CSMD1: variants seen among roughly 807,000 people sequenced by gnomAD.
The protein encoded by CSMD1 is CUB and sushi domain-containing protein 1.
Under a neutral mutation model 417.5 loss-of-function variants are expected in CSMD1, and 213 were observed. The ratio of observed to expected loss-of-function variants is 0.51; its 90% confidence interval spans 0.46 to 0.57. CSMD1 has a LOEUF of 0.57. Among genes scored for constraint, CSMD1 ranks in the 20% least tolerant of loss-of-function variants. CSMD1 has a pLI of 0.00. For missense variants in CSMD1, 6,923 were observed against 4,529.7 expected (o/e 1.53, Z -15.17); for synonymous variants, 2,862 against 1,736.8 (o/e 1.65, Z -16.11).
rs1802674928 is a variant in CSMD1 at position 3,836,011 on chromosome 8, G to A, written c.819-81969C>T. ...TCTATAAGATTCTATCATTTCTACTGTCCTCATTTTCTGTTTCATTAGCTT... is the reference window on the plus strand; with the variant it reads ...TCTATAAGATTCTATCATTTCTACTATCCTCATTTTCTGTTTCATTAGCTT... On this transcript the variant is annotated intron_variant, in intron 5 of 69. Transcript: ENST00000635120. Among the ~76,000 whole-genome samples the A allele has an allele frequency of 2.0e-5, 3 of 152,058 alleles. No homozygotes were observed. In the South Asian group the frequency reaches 6.2e-4, roughly 32 times the overall value.
chr8:4,338,787 A>G (rs989845478), intron 3 of CSMD1, among the ~76,000 whole-genome samples: 1 of 152,070 alleles, frequency 6.6e-6, no homozygotes, highest in African/African-American at 2.4e-5. Context: ...AATCATATTG[A>G]TATTAGTTTA....
intron 51 of CSMD1, among the ~76,000 whole-genome samples, chr8:3,024,330 G>C (rs930653085): frequency 6.6e-6 from 1 of 151,482 alleles, no homozygotes; most frequent in African/African-American, 2.4e-5. Context: ...GTTGGGGACA[G>C]AGTATTGCTC....
chr8:4,519,009 A>C (rs1803280203), intron 2 of CSMD1, among the ~76,000 whole-genome samples: 1 of 152,052 alleles, frequency 6.6e-6, no homozygotes, highest in Non-Finnish European at 1.5e-5. Flanking sequence ...CTACAGTATA[A>C]TTTCTTTTTA....
intron 3 of CSMD1, among the ~76,000 whole-genome samples, chr8:4,383,398 T>C (rs148422348): frequency 6.6e-6 from 1 of 152,202 alleles, no homozygotes; most frequent in Admixed American, 6.6e-5. Context: ...CTACATTTAC[T>C]ACATGCCTTG....
chr8:3,915,082 C>A (rs1027748874), intron 5 of CSMD1, among the ~76,000 whole-genome samples: 1 of 152,036 alleles, frequency 6.6e-6, no homozygotes, highest in Non-Finnish European at 1.5e-5. Context: ...AATTAGGGAT[C>A]GGAAAAGCCC....
chr8:3,583,380 T>C (rs1246504448), intron 9 of CSMD1, among the ~76,000 whole-genome samples: 4 of 151,932 alleles, frequency 2.6e-5, no homozygotes, highest in Non-Finnish European at 4.4e-5. Flanking sequence ...GTGCCTCGAA[T>C]AGACTGCTAG....
intron 1 of CSMD1, among the ~76,000 whole-genome samples, chr8:4,911,286 G>A (rs2117090524): frequency 6.6e-6 from 1 of 152,252 alleles, no homozygotes; most frequent in African/African-American, 2.4e-5. Context: ...TATACATACT[G>A]GATAAAGTGT....
intron 3 of CSMD1, among the ~76,000 whole-genome samples, chr8:4,149,027 A>G (rs1221219543): frequency 6.6e-6 from 1 of 151,396 alleles, no homozygotes; most frequent in East Asian, 1.9e-4. Context: ...GCAGTGGCAC[A>G]ATCTTTGCTC....
intron 1 of CSMD1, among the ~76,000 whole-genome samples, chr8:4,959,039 A>C (rs1294391402): frequency 6.6e-6 from 1 of 152,210 alleles, no homozygotes; most frequent in African/African-American, 2.4e-5. Context: ...AAGCCATGCT[A>C]TATAGTATAT....
rs189810140 is a variant in CSMD1, at chr8:3,621,154, T to G, written c.1010-4357A>C. On this transcript the variant is annotated intron_variant, in intron 7 of 69. Coordinates refer to ENST00000635120, the MANE Select transcript of CSMD1 (RefSeq NM_033225.6). The stretch of plus-strand genomic sequence containing the variant: ...CCTGCCCAAACCTTGATCTCAGGCT[T>G]CTACCCTCTAGAATTGTGGTAAAGT... Among the ~76,000 whole-genome samples the G allele has an allele frequency of 5.3e-5, 8 of 152,296 alleles. No individual in the cohort carries two copies. In the East Asian group the frequency reaches 1.5e-3, roughly 29 times the overall value.
intron 38 of CSMD1, among the ~76,000 whole-genome samples, chr8:3,161,938 T>C (rs1819923546): frequency 6.6e-6 from 1 of 152,208 alleles, no homozygotes; most frequent in African/African-American, 2.4e-5. Context: ...AATAAAACAA[T>C]TGTGAAAAAT....
chr8:3,089,576 G>GTCT (rs1814789331), intron 48 of CSMD1, among the ~76,000 whole-genome samples: 2 of 152,160 alleles, frequency 1.3e-5, no homozygotes, highest in Non-Finnish European at 2.9e-5. Flanking sequence ...ATGGGCTAGA[G>GTCT]TTCCCTTGGC....
At chr8:3,964,666 A>G (rs148733681) in intron 5 of CSMD1, among the ~76,000 whole-genome samples, 8 of 152,218 alleles carry the variant, frequency 5.3e-5, no homozygotes, top group Admixed American at 6.5e-5. Flanking sequence ...AGGTGTCTCT[A>G]TATTTTTACT....
At chr8:3,286,732 C>G (rs996998075) in intron 25 of CSMD1, among the ~76,000 whole-genome samples, 4 of 151,950 alleles carry the variant, frequency 2.6e-5, no homozygotes, top group Non-Finnish European at 5.9e-5. Flanking sequence ...AGCCCTTTGT[C>G]AGATGAGTAG....
chr8:4,448,108 G>A (rs1039697000), intron 2 of CSMD1, among the ~76,000 whole-genome samples: 1 of 152,126 alleles, frequency 6.6e-6, no homozygotes, highest in African/African-American at 2.4e-5. Context: ...CTATGTTCTT[G>A]ATCTCTTCCT....
At chr8:3,177,059 T>A (rs1325297240) in intron 37 of CSMD1, among the ~76,000 whole-genome samples, 2 of 152,058 alleles carry the variant, frequency 1.3e-5, no homozygotes, top group Non-Finnish European at 2.9e-5. Context: ...ATTATAAGCA[T>A]GAGCAACCAT....
chr8:4,102,577 G>C (rs1370795422), intron 3 of CSMD1, among the ~76,000 whole-genome samples: 1 of 151,726 alleles, frequency 6.6e-6, no homozygotes, highest in East Asian at 1.9e-4. Context: ...CTCCCAGGCT[G>C]AAATAATTCA....
At chr8:3,264,514 T>C (rs147340447) in intron 26 of CSMD1, among the ~76,000 whole-genome samples, 1 of 152,196 alleles carries the variant, frequency 6.6e-6, no homozygotes, top group Non-Finnish European at 1.5e-5. Context: ...ATTTGAGAAC[T>C]GCACACTGAA....
chr8:3,971,747 T>C (rs1179814941), intron 5 of CSMD1, among the ~76,000 whole-genome samples: 1 of 152,170 alleles, frequency 6.6e-6, no homozygotes, highest in Non-Finnish European at 1.5e-5. Context: ...GGCCGATGCA[T>C]TTTCTTAAAT....
Sources: allele counts gnomAD v4.1 joint callset (sites outside exome capture counted in the v4.1 genomes callset), GRCh38; gene constraint gnomAD v4.1.1; transcripts MANE v1.5; gene names NCBI Gene and HGNC (gene_info 2026-07-23, HGNC 2026-07-21).